Variants in GALNT18 observed in about 807,000 individuals in gnomAD.
GALNT18 encodes polypeptide N-acetylgalactosaminyltransferase 18.
Under a neutral mutation model 69.5 loss-of-function variants are expected in GALNT18, and 44 were observed. That is an observed-to-expected ratio of 0.63 (90% CI 0.50 to 0.81). GALNT18 has a LOEUF of 0.81. Ranked by LOEUF, GALNT18 falls within the 40% of genes least tolerant of loss-of-function variation. GALNT18 has a pLI of 0.00. For synonymous variants in GALNT18, 364 were observed against 318.2 expected (o/e 1.14, Z -1.53); for missense variants, 715 against 810.0 (o/e 0.88, Z 1.42).
rs1213690686 is a variant in GALNT18 at position 11,372,533 on chromosome 11, A to C, written c.1074T>G (p.Asn358Lys). 4 of 1,614,020 alleles carry C rather than the reference A, an allele frequency of 2.5e-6. No individual in the cohort carries two copies. The highest frequency in any genetic ancestry group is 3.4e-6 in the Non-Finnish European group (4 of 1,179,996). Residue 358 changes from asparagine (N) to lysine (K), a missense_variant, in exon 6 of 11, where the codon AAT becomes AAG. Coordinates refer to ENST00000227756, the MANE Select transcript of GALNT18 (RefSeq NM_198516.3). This position sits in a 1 kb window ranked among gnomAD's most constrained non-coding sequence, Gnocchi z 4.9. ...DEGMEVYGGE[N>K]VELGIRVWQC... ...CACTCACCCTGATCCCAAGCTCCAC[A>C]TTCTCGCCCCCGTAGACTTCCATGC... is the stretch of plus-strand genomic sequence containing the variant.
At chr11:11,357,272 C>A (rs144115316) in intron 6 of GALNT18, among the ~76,000 whole-genome samples, 1 of 152,226 alleles carries the variant, frequency 6.6e-6, no homozygotes, top group African/African-American at 2.4e-5. Context: ...AAAATTTCAA[C>A]TACTCTCTCA....
chr11:11,457,609 C>T (rs573683041), intron 1 of GALNT18, among the ~76,000 whole-genome samples: 10 of 152,338 alleles, frequency 6.6e-5, no homozygotes, highest in African/African-American at 1.2e-4. Flanking sequence ...CCACCCAGAA[C>T]GCAGCTCACC....
intron 3 of GALNT18, among the ~76,000 whole-genome samples, chr11:11,416,708 C>A (rs1854870581): frequency 6.6e-6 from 1 of 152,202 alleles, no homozygotes; most frequent in Non-Finnish European, 1.5e-5. Context: ...CCACACCAAC[C>A]ACAGCCACCA....
At chr11:11,353,850 A>T (rs1300264192) in intron 6 of GALNT18, among the ~76,000 whole-genome samples, 1 of 152,178 alleles carries the variant, frequency 6.6e-6, no homozygotes, top group African/African-American at 2.4e-5. Flanking sequence ...GATGGCAGGT[A>T]ATGGATGTGT....
intron 1 of GALNT18, among the ~76,000 whole-genome samples, chr11:11,553,632 G>T (rs1182357046): frequency 3.9e-5 from 6 of 152,144 alleles, no homozygotes; most frequent in Non-Finnish European, 5.9e-5. Context: ...CCCTGGGAAG[G>T]CCCTTTATGG....
chr11:11,473,302 T>C (rs1395392319), intron 1 of GALNT18, among the ~76,000 whole-genome samples: 1 of 152,166 alleles, frequency 6.6e-6, no homozygotes, highest in African/African-American at 2.4e-5. Flanking sequence ...TATTGAGCAA[T>C]CAAATGAAAG....
At position 11,377,194 on chromosome 11, in the gene GALNT18, G is replaced by A. The variant is rs1190297792; in HGVS notation, c.965C>T (p.Thr322Ile). ...AGGTTTGCTTTACCTGATTGGCGCT[G>A]TGGAGTTCTCCAGCTTCCACCAGGC... is the stretch of plus-strand genomic sequence containing the variant. ...PKAWWKLENS[T>I]APIRSPALIG... Residue 322 changes from threonine to isoleucine, a missense_variant, in exon 5 of 11, where the codon ACA becomes ATA. Coordinates refer to ENST00000227756, the MANE Select transcript of GALNT18 (RefSeq NM_198516.3). The surrounding 1 kb of genome is among the most constrained non-coding windows in gnomAD (Gnocchi z 4.6). 1 of 1,613,118 alleles carries A rather than the reference G, an allele frequency of 6.2e-7. No homozygotes were observed. Among genetic ancestry groups the A allele is most frequent in the South Asian group, 1.1e-5 (1 of 91,024 alleles).
In GALNT18 at chr11:11,582,911, C is replaced by G. The variant is rs112700229; in HGVS notation, c.235+38448G>C. Among the ~76,000 whole-genome samples the G allele has an allele frequency of 1.3e-5, 2 of 152,214 alleles. No homozygotes were observed. Among genetic ancestry groups the G allele is most frequent in the African/African-American group, 4.8e-5 (2 of 41,454 alleles). ...CACAGAGCACAGCCACTGCCACACA[C>G]ACCCCACAGAAGTGGTTGTCATGGT... is the stretch of plus-strand genomic sequence containing the variant. On this transcript the variant is annotated intron_variant, in intron 1 of 10. Coordinates refer to ENST00000227756, the MANE Select transcript of GALNT18 (RefSeq NM_198516.3). This position sits in a 1 kb window ranked among gnomAD's most constrained non-coding sequence, Gnocchi z 5.0.
chr11:11,384,137 C>T (rs987563042), intron 3 of GALNT18, among the ~76,000 whole-genome samples: 1 of 151,994 alleles, frequency 6.6e-6, no homozygotes, highest in African/African-American at 2.4e-5. Flanking sequence ...ACAAGACAGT[C>T]TGCAATGGAC....
chr11:11,299,727 G>A (rs11823450), intron 9 of GALNT18, among the ~76,000 whole-genome samples: 41,909 of 152,152 alleles, frequency 0.28, 6,117 homozygotes, highest in Middle Eastern at 0.4. Context: ...TGGGCATTTA[G>A]GCTGGTTCCA....
intron 1 of GALNT18, among the ~76,000 whole-genome samples, chr11:11,576,729 T>C (rs1430554907): frequency 6.6e-6 from 1 of 152,232 alleles, no homozygotes; most frequent in African/African-American, 2.4e-5. Context: ...ATGGCACTAA[T>C]GAGATCGGGG....
intron 1 of GALNT18, among the ~76,000 whole-genome samples, chr11:11,572,530 C>A (rs1018936573): frequency 2.6e-5 from 4 of 152,152 alleles, no homozygotes; most frequent in African/African-American, 9.7e-5. Flanking sequence ...TGAGTCAGGG[C>A]CCTGGCTCCG....
At chr11:11,354,119 G>A (rs1389458902) in intron 6 of GALNT18, among the ~76,000 whole-genome samples, 1 of 152,140 alleles carries the variant, frequency 6.6e-6, no homozygotes, top group African/African-American at 2.4e-5. Flanking sequence ...TCTCTTAAAG[G>A]ATTTGCTCTT....
At chr11:11,418,372 C>T (rs191189302) in intron 3 of GALNT18, among the ~76,000 whole-genome samples, 306 of 152,346 alleles carry the variant, frequency 2.0e-3, no homozygotes, top group Non-Finnish European at 3.6e-3. Context: ...GTGCTTGGAA[C>T]ACAGCAGGTA....
chr11:11,587,516 G>A lies in GALNT18; in HGVS notation c.235+33843C>T, dbSNP rs915765415. Reference sequence around the variant, plus strand: ...TCGATCTAGGAGGAAGCACTCTGGAGCTCAGCCTAGGATTTGAATACAGGA... The same window carrying A: ...TCGATCTAGGAGGAAGCACTCTGGAACTCAGCCTAGGATTTGAATACAGGA... On this transcript the variant is annotated intron_variant, in intron 1 of 10. Transcript: ENST00000227756. The surrounding 1 kb of genome is among the most constrained non-coding windows in gnomAD (Gnocchi z 4.4). Among the ~76,000 whole-genome samples the A allele has an allele frequency of 2.0e-5, 3 of 152,194 alleles. No homozygotes were observed. Among genetic ancestry groups the A allele is most frequent in the Non-Finnish European group, 4.4e-5 (3 of 68,042 alleles).
chr11:11,510,256 G>A (rs1342974596), intron 1 of GALNT18, among the ~76,000 whole-genome samples: 1 of 152,194 alleles, frequency 6.6e-6, no homozygotes, highest in Non-Finnish European at 1.5e-5. Flanking sequence ...TTTAATGGGA[G>A]CCCATATTTT....
At chr11:11,560,224 G>T (rs1242671288) in intron 1 of GALNT18, among the ~76,000 whole-genome samples, 1 of 149,602 alleles carries the variant, frequency 6.7e-6, no homozygotes, top group Non-Finnish European at 1.5e-5. Flanking sequence ...GAATATGAAG[G>T]GATGGGATGG....
At chr11:11,361,708 G>C (rs1215343129) in intron 6 of GALNT18, among the ~76,000 whole-genome samples, 3 of 152,042 alleles carry the variant, frequency 2.0e-5, no homozygotes, top group Non-Finnish European at 4.4e-5. Flanking sequence ...TCTTATATGT[G>C]ACTGGTCTGT....
At chr11:11,493,863 C>A (rs1313130961) in intron 1 of GALNT18, among the ~76,000 whole-genome samples, 1 of 152,164 alleles carries the variant, frequency 6.6e-6, no homozygotes, top group Non-Finnish European at 1.5e-5. Flanking sequence ...TTTCCTTCAC[C>A]AACCCGCTCC....
Sources: gnomAD v4.1 joint callset for allele counts (sites outside exome capture counted in the v4.1 genomes callset) on GRCh38, gnomAD v4.1.1 for gene constraint, Gnocchi (gnomAD v3.1) non-coding constraint, MANE v1.5 for transcripts, NCBI Gene and HGNC (gene_info 2026-07-23, HGNC 2026-07-21) for gene names.